Variants in TTC39B observed in about 807,000 individuals in gnomAD.
The protein encoded by TTC39B is tetratricopeptide repeat domain 39B.
In TTC39B, 92 loss-of-function variants were observed where a neutral mutation model predicts 96.6. That is an observed-to-expected ratio of 0.95 (90% confidence interval 0.80 to 1.13). The LOEUF (loss-of-function observed/expected upper bound fraction) is 1.13. Ranked by LOEUF, TTC39B falls within the 50% of genes most tolerant of loss-of-function variation. TTC39B has a pLI of 0.00. For missense variants in TTC39B, 955 were observed against 809.3 expected (o/e 1.18, Z -2.18); for synonymous variants, 367 against 299.4 (o/e 1.23, Z -2.33).
At chr9:15,182,773 T>C (rs1818315113) in intron 16 of TTC39B, among the ~76,000 whole-genome samples, 1 of 152,236 alleles carries the variant, frequency 6.6e-6, no homozygotes, top group Admixed American at 6.5e-5. Flanking sequence ...AAAAATATTT[T>C]TAAATGTCTG....
At chr9:15,269,579 C>T (rs1159305243) in intron 1 of TTC39B, among the ~76,000 whole-genome samples, 6 of 152,138 alleles carry the variant, frequency 3.9e-5, no homozygotes, top group East Asian at 3.9e-4. Context: ...CCTGGCCAGG[C>T]GCAGTGGCTC....
intron 1 of TTC39B, among the ~76,000 whole-genome samples, chr9:15,300,931 C>CCATTTTT (rs1393331675): frequency 3.3e-5 from 5 of 149,818 alleles, no homozygotes; most frequent in Admixed American, 3.3e-4. Flanking sequence ...TTCCAGGTTC[C>CCATTTTT]CATTTTTTAG....
Position 15,188,160 on chromosome 9 carries a change from G to A in TTC39B, c.1234-28C>T, listed in dbSNP as rs189729781. The A allele has an allele frequency of 3.4e-4, 536 of 1,554,248 alleles. 1 individual carries two copies. The highest frequency in any genetic ancestry group is 4.4e-4 in the Non-Finnish European group (501 of 1,151,634). ...GTAAATCAAGTACACAAAGTTGATC[G>A]TCCAGATATTAGACAAGGAGATAAT... On this transcript the variant is annotated intron_variant, in intron 13 of 19. Transcript: ENST00000512701.
chr9:15,218,635 A>AAAATATATATATATATAT (rs374054306), intron 3 of TTC39B, among the ~76,000 whole-genome samples: 6,183 of 149,336 alleles, frequency 0.041, 177 homozygotes, highest in Non-Finnish European at 0.063. Flanking sequence ...GTCTATTTTA[A>AAAATATATATATATATAT]ATATATATAT....
rs72700670 is a variant in TTC39B, at chr9:15,284,422, C to T, written c.241-16474G>A. Among the ~76,000 whole-genome samples, 827 of 152,164 alleles carry T rather than the reference C, an allele frequency of 5.4e-3. 16 individuals are homozygous for T. Among genetic ancestry groups the T allele is most frequent in the East Asian group, 0.039 (201 of 5,186 alleles). ...TTTCATGTACCACGGTTTCATGTAC[C>T]AAGATTATGATACACACTGTGCTGC... On this transcript the variant is annotated intron_variant, in intron 1 of 19. Transcript: ENST00000512701.
In TTC39B at chr9:15,303,528, T is replaced by C. The variant is rs556678546; in HGVS notation, c.240+3556A>G. ...TTAGGACTACAGGCGGGCACCACCA[T>C]GCCCAGCTAACTATTCATATTTTTA... is the stretch of plus-strand genomic sequence containing the variant. On this transcript the variant is annotated intron_variant, in intron 1 of 19. Coordinates refer to ENST00000512701, the Ensembl canonical transcript of TTC39B. 2.6e-5 allele frequency among the ~76,000 whole-genome samples: 4 copies of C among 152,086 alleles called. No homozygotes were observed. In the South Asian group the frequency reaches 8.3e-4, roughly 32 times the overall value.
chr9:15,197,735 C>G (rs1264007628), intron 8 of TTC39B, among the ~76,000 whole-genome samples: 1 of 151,980 alleles, frequency 6.6e-6, no homozygotes, highest in Non-Finnish European at 1.5e-5. Context: ...ACTAGTCAAT[C>G]TTCAAAAAAG....
intron 19 of TTC39B, among the ~76,000 whole-genome samples, chr9:15,173,289 C>A (rs1307254929): frequency 2.0e-5 from 3 of 152,122 alleles, no homozygotes; most frequent in Non-Finnish European, 4.4e-5. Context: ...GCAACTTGCT[C>A]TCATATCACC....
At chr9:15,248,410 T>C (rs1009776839) in intron 2 of TTC39B, among the ~76,000 whole-genome samples, 3 of 151,888 alleles carry the variant, frequency 2.0e-5, no homozygotes, top group Non-Finnish European at 4.4e-5. Context: ...ATATGTCCTA[T>C]ATGTTTGGCC....
intron 3 of TTC39B, among the ~76,000 whole-genome samples, chr9:15,215,371 A>C (rs957044557): frequency 1.3e-5 from 2 of 152,088 alleles, no homozygotes; most frequent in Non-Finnish European, 1.5e-5. Context: ...CACCCTGACC[A>C]ACATGGTGAA....
intron 19 of TTC39B, among the ~76,000 whole-genome samples, chr9:15,174,790 C>G (rs1158188011): frequency 2.0e-5 from 3 of 152,128 alleles, no homozygotes. Context: ...CAAATAGATG[C>G]CCATAATCAT....
chr9:15,298,403 T>A (rs1278647030), intron 1 of TTC39B, among the ~76,000 whole-genome samples: 3 of 152,152 alleles, frequency 2.0e-5, no homozygotes, highest in Admixed American at 2.0e-4. Flanking sequence ...CTGCATAATT[T>A]ATAAAGAAAA....
intron 3 of TTC39B, among the ~76,000 whole-genome samples, chr9:15,220,173 T>C (rs1051162868): frequency 3.3e-5 from 5 of 152,216 alleles, no homozygotes; most frequent in Non-Finnish European, 5.9e-5. Flanking sequence ...AGGGTTCTTT[T>C]GCAAGCCAAT....
At chr9:15,287,224 A>G (rs906924513) in intron 1 of TTC39B, among the ~76,000 whole-genome samples, 1 of 152,254 alleles carries the variant, frequency 6.6e-6, no homozygotes, top group Admixed American at 6.5e-5. Flanking sequence ...TTGTATGACA[A>G]TAATAGCGTA....
chr9:15,180,397 A>G (rs1003882404), intron 17 of TTC39B, among the ~76,000 whole-genome samples: 16 of 152,354 alleles, frequency 1.1e-4, no homozygotes, highest in African/African-American at 3.8e-4. Flanking sequence ...ATGAAACACT[A>G]TTGGAATTAA....
chr9:15,166,983 TATATATATATATATATA>T (rs1817530690), exon 20 of TTC39B: 1 of 4,356 alleles, frequency 2.3e-4, no homozygotes, highest in Non-Finnish European at 6.5e-4. Context: ...ACCTTTATTT[TATATATATATATATATA>T]TATATATATA....
intron 1 of TTC39B, among the ~76,000 whole-genome samples, chr9:15,283,763 C>T (rs575442): frequency 0.68 from 103,001 of 151,984 alleles, 35,950 homozygotes; most frequent in East Asian, 0.9. Context: ...TACGATTTTA[C>T]AGTAGAGAGA....
At chr9:15,293,823 G>T (rs1441322684) in intron 1 of TTC39B, among the ~76,000 whole-genome samples, 2 of 152,214 alleles carry the variant, frequency 1.3e-5, no homozygotes, top group African/African-American at 4.8e-5. Flanking sequence ...GCCAATCACC[G>T]AGTTTTGGTC....
At chr9:15,191,403 T>C in intron 9 of TTC39B, 148 bp from the exon 10 acceptor site, 1 of 598,440 alleles carries the variant, frequency 1.7e-6, no homozygotes, top group South Asian at 2.3e-5. Flanking sequence ...TACCACATAC[T>C]GTAACAATCA....
Sources: allele counts gnomAD v4.1 joint callset (sites outside exome capture counted in the v4.1 genomes callset), GRCh38; gene constraint gnomAD v4.1.1; transcripts MANE v1.5; gene names NCBI Gene and HGNC (gene_info 2026-07-23, HGNC 2026-07-21).